The following ANKRD30B variants were observed in gnomAD, a reference collection of about 807,000 sequenced individuals.
ANKRD30B encodes the protein ankyrin repeat domain 30B.
Under a neutral mutation model 202.2 loss-of-function variants are expected in ANKRD30B, and 144 were observed. That is an observed-to-expected ratio of 0.71 (90% confidence interval 0.62 to 0.82). The LOEUF is 0.82. Ranked by LOEUF, ANKRD30B falls within the 40% of genes least tolerant of loss-of-function variation. The probability of loss-of-function intolerance (pLI) is 0.00; values close to 1 mark genes in which losing one functional copy is unlikely to be tolerated. For missense variants in ANKRD30B, 1,487 were observed against 1,669.1 expected, an observed-to-expected ratio of 0.89 and a Z score of 1.90; for synonymous variants, 508 against 561.3, an observed-to-expected ratio of 0.91 and a Z score of 1.34.
At chr18:14,777,448 C>T (rs1283826034) in intron 9 of ANKRD30B, among the ~76,000 whole-genome samples, 1 of 151,704 alleles carries the variant, frequency 6.6e-6, no homozygotes, top group Non-Finnish European at 1.5e-5. Flanking sequence ...CAGGCACCCA[C>T]CACCACGCCA....
intron 30 of ANKRD30B, among the ~76,000 whole-genome samples, chr18:14,822,198 A>C (rs1970456414): frequency 6.6e-6 from 1 of 152,160 alleles, no homozygotes; most frequent in Admixed American, 6.5e-5. Context: ...GCTTACTCTT[A>C]CTGGTATTAG....
chr18:14,923,819 C>A, the ANKRD30B span, among the ~76,000 whole-genome samples: 2 of 152,228 alleles, frequency 1.3e-5, no homozygotes, highest in Non-Finnish European at 2.9e-5. Flanking sequence ...AACAGTCTCT[C>A]TCTGTGTGTT....
rs1428662729 is a variant in ANKRD30B, at chr18:14,796,269, T to A, written c.1854+20T>A. 6.2e-7 allele frequency: 1 copy of A among 1,609,142 alleles called. No individual in the cohort carries two copies. On this transcript the variant is annotated intron_variant, in intron 17 of 43. Transcript: ENST00000690538. ...CTGAAGGTAATAACTTTTATATTGCTATCTTGAATACTAACTACATATTTT... is the reference window on the plus strand; with the variant it reads ...CTGAAGGTAATAACTTTTATATTGCAATCTTGAATACTAACTACATATTTT...
At chr18:14,816,651 A>G (rs1220104919) in intron 30 of ANKRD30B, 2 of 152,234 alleles carry the variant, frequency 1.3e-5, no homozygotes, top group East Asian at 3.9e-4. Flanking sequence ...TGAAAAAAAA[A>G]AAAAAAAAAG....
At chr18:14,836,648 G>A (rs1396814883) in intron 34 of ANKRD30B, among the ~76,000 whole-genome samples, 1 of 151,868 alleles carries the variant, frequency 6.6e-6, no homozygotes, top group Non-Finnish European at 1.5e-5. Context: ...TTACATGAAG[G>A]GGTAAGTTCA....
intron 19 of ANKRD30B, 34 bp downstream of exon 19, chr18:14,797,723 A>C (rs1969012673): frequency 1.2e-6 from 2 of 1,608,078 alleles, no homozygotes; most frequent in Non-Finnish European, 1.7e-6. Context: ...TTGAATATTA[A>C]CTACATATTT....
chr18:14,772,264 T>C (rs1967050968), intron 9 of ANKRD30B, 36 bp downstream of exon 9: 6 of 1,336,886 alleles, frequency 4.5e-6, no homozygotes, highest in Admixed American at 2.3e-5. Context: ...TTTTCTCAGT[T>C]GCAATATATT....
chr18:14,777,401 G>A (rs1967424813), intron 9 of ANKRD30B, among the ~76,000 whole-genome samples: 2 of 151,728 alleles, frequency 1.3e-5, no homozygotes, highest in Admixed American at 6.6e-5. Flanking sequence ...AGGTTCCATC[G>A]ATTCTCCTGC....
chr18:14,782,564 T>G lies in ANKRD30B; in HGVS notation c.1520T>G (p.Ile507Arg). 1 of 1,591,018 alleles carries G rather than the reference T, an allele frequency of 6.3e-7. No individual in the cohort carries two copies. The highest frequency in any genetic ancestry group is 8.5e-7 in the Non-Finnish European group (1 of 1,172,130). The change falls in exon 12 of 44, where the codon ATA (isoleucine) becomes AGA (arginine). Residue 507 changes from isoleucine to arginine, a missense_variant. Physicochemically the swap from Ile to Arg is moderately conservative, Grantham distance 97 (BLOSUM62 -3). Around this residue, in one of 6 missense-constraint regions of ANKRD30B, gnomAD observed 889 missense variants for 841.4 expected, o/e 1.06. Coordinates refer to ENST00000690538, the MANE Select transcript of ANKRD30B (RefSeq NM_001367607.2). Reference sequence around the variant, plus strand: ...AGTTCTGCAAAGACTCAAGTGTGTATACCTGAGTCTATGTATCAGAAAGTA... The same window carrying G: ...AGTTCTGCAAAGACTCAAGTGTGTAGACCTGAGTCTATGTATCAGAAAGTA... ...FESSAKTQVC[I>R]PESMYQKVME...
Position 14,785,192 on chromosome 18 carries a change from C to A in ANKRD30B, c.1672+657C>A, listed in dbSNP as rs139325633. ...TTTAGAGTCTTTTTACACTAACCTACTTTTTAAAACTATTCTTATGCATGT... is the reference window on the plus strand; with the variant it reads ...TTTAGAGTCTTTTTACACTAACCTAATTTTTAAAACTATTCTTATGCATGT... On this transcript the variant is annotated intron_variant, in intron 14 of 43. Coordinates refer to ENST00000690538, the MANE Select transcript of ANKRD30B (RefSeq NM_001367607.2). 2.2e-3 allele frequency among the ~76,000 whole-genome samples: 335 copies of A among 152,304 alleles called. 2 individuals carry two copies. The highest frequency in any genetic ancestry group is 3.3e-3 in the Non-Finnish European group (225 of 68,004).
chr18:14,904,264 G>T, the ANKRD30B span, among the ~76,000 whole-genome samples: 1 of 152,182 alleles, frequency 6.6e-6, no homozygotes, highest in Admixed American at 6.5e-5. Flanking sequence ...GTCCTGTCCT[G>T]GCCGTGTGTC....
At chr18:14,924,719 C>T in the ANKRD30B span, among the ~76,000 whole-genome samples, 3 of 152,220 alleles carry the variant, frequency 2.0e-5, no homozygotes, top group Non-Finnish European at 2.9e-5. Flanking sequence ...TGGTTTTCAA[C>T]CCCAGTGTCG....
At chr18:14,851,474 G>T (rs185454827) in intron 41 of ANKRD30B, 35 bp from the exon 42 acceptor site, 2 of 1,467,370 alleles carry the variant, frequency 1.4e-6, no homozygotes, top group East Asian at 2.4e-5. Flanking sequence ...CCATTTTATT[G>T]AGTGCTAGTT....
the ANKRD30B span, among the ~76,000 whole-genome samples, chr18:14,882,596 T>G: frequency 4.5e-4 from 69 of 152,276 alleles, no homozygotes; most frequent in Non-Finnish European, 8.2e-4. Context: ...TTGGATGAAA[T>G]GTTCTGTATA....
intron 7 of ANKRD30B, 86 bp downstream of exon 7, chr18:14,764,176 T>A: frequency 6.0e-6 from 8 of 1,340,500 alleles, no homozygotes; most frequent in Non-Finnish European, 7.9e-6. Flanking sequence ...TTGTTGGGAA[T>A]GTCTTGAATA....
chr18:14,826,005 C>T (rs1430920481), intron 32 of ANKRD30B, among the ~76,000 whole-genome samples: 2 of 152,014 alleles, frequency 1.3e-5, no homozygotes, highest in Non-Finnish European at 2.9e-5. Context: ...GTTTTCTTTA[C>T]ATATTGAGTT....
intron 8 of ANKRD30B, among the ~76,000 whole-genome samples, chr18:14,769,687 T>G (rs1916796457): frequency 6.6e-6 from 1 of 152,230 alleles, no homozygotes; most frequent in Non-Finnish European, 1.5e-5. Context: ...CAGCATAGAT[T>G]GATGGAGACC....
chr18:14,762,315 T>G (rs915023396), intron 6 of ANKRD30B, among the ~76,000 whole-genome samples: 1 of 152,166 alleles, frequency 6.6e-6, no homozygotes, highest in African/African-American at 2.4e-5. Context: ...GTAACTATCT[T>G]TAGAATTTGG....
the ANKRD30B span, among the ~76,000 whole-genome samples, chr18:14,865,356 C>A: frequency 6.6e-6 from 1 of 150,936 alleles, no homozygotes. Context: ...CCTCTCTGCA[C>A]CCTCTTTTCT....
Sources: allele counts gnomAD v4.1 joint callset (sites outside exome capture counted in the v4.1 genomes callset), GRCh38; gene constraint gnomAD v4.1.1; regional missense constraint gnomAD v4.1.1; transcripts MANE v1.5; gene names NCBI Gene and HGNC (gene_info 2026-07-23, HGNC 2026-07-21).